BCO2: variants seen among roughly 807,000 people sequenced by gnomAD.
BCO2 encodes beta-carotene oxygenase 2.
Under a neutral mutation model 65.8 loss-of-function variants are expected in BCO2, and 56 were observed. The observed-to-expected ratio is 0.85, with a 90% CI of 0.69 to 1.06. BCO2 has a LOEUF of 1.06. Ranked by LOEUF, BCO2 falls within the 50% of genes least tolerant of loss-of-function variation. The probability of loss-of-function intolerance (pLI) is 0.00; values close to 1 mark genes in which losing one functional copy is unlikely to be tolerated. For missense variants in BCO2, 675 were observed against 698.5 expected (o/e 0.97, Z 0.38); for synonymous variants, 233 against 242.3 (o/e 0.96, Z 0.36).
chr11:112,202,055 T>A lies in BCO2; in HGVS notation c.1059T>A (p.Phe353Leu). The change falls in exon 8 of 12, where the codon TTT becomes TTA. Residue 353 changes from phenylalanine to leucine, a missense_variant. Phe to Leu is a conservative substitution (Grantham distance 22). Coordinates refer to ENST00000357685, the MANE Select transcript of BCO2 (RefSeq NM_031938.7). ...CAGGGAGATACTACAGCAAACCTTT[T>A]GTTACATTTCATCAAATCAATGCCT... Reference protein sequence around the residue: ...LLPGRYYSKPFVTFHQINAFE... With the variant: ...LLPGRYYSKPLVTFHQINAFE... 6.2e-7 allele frequency: 1 copy of A among 1,610,360 alleles called. No individual in the cohort carries two copies. The highest frequency in any genetic ancestry group is 1.1e-5 in the South Asian group (1 of 90,258).
chr11:112,188,055 T>A (rs1867251939), intron 2 of BCO2, among the ~76,000 whole-genome samples: 1 of 152,100 alleles, frequency 6.6e-6, no homozygotes, highest in Non-Finnish European at 1.5e-5. Flanking sequence ...AACATGGATC[T>A]CCCACCCCGC....
At chr11:112,193,326 C>T (rs770390539) in intron 2 of BCO2, 148 bp from the exon 3 acceptor site, 1 of 769,528 alleles carries the variant, frequency 1.3e-6, no homozygotes, top group East Asian at 2.7e-5. Flanking sequence ...TCTCCTCCCA[C>T]AATTTCAAGT....
chr11:112,194,467 T>G (rs1166760775), intron 4 of BCO2, 186 bp from the exon 5 acceptor site: 1 of 527,878 alleles, frequency 1.9e-6, no homozygotes, highest in African/African-American at 2.0e-5. Flanking sequence ...GTGTTTTTGT[T>G]TGTTGTTTTA....
chr11:112,194,639 T>A lies in BCO2; in HGVS notation c.634-14T>A. On this transcript the variant is annotated splice_polypyrimidine_tract_variant and intron_variant, in intron 4 of 11. Transcript: ENST00000357685. ...TCTGCCCATTAAAAATCTCCAGTGGTCTCAAATTTGCAGGTAGATTGGAGC... is the reference window on the plus strand; with the variant it reads ...TCTGCCCATTAAAAATCTCCAGTGGACTCAAATTTGCAGGTAGATTGGAGC... 1.3e-6 allele frequency: 2 copies of A among 1,523,270 alleles called. No homozygotes were observed. Among genetic ancestry groups the A allele is most frequent in the Non-Finnish European group, 1.8e-6 (2 of 1,098,374 alleles). The allele number at this position is 1,523,270 out of a possible 1,614,324, so 94.4% of individuals were successfully genotyped here.
intron 10 of BCO2, chr11:112,215,842 C>T: frequency 5.4e-6 from 1 of 183,938 alleles, no homozygotes; most frequent in South Asian, 1.5e-4. Flanking sequence ...TCTGATGAGG[C>T]CTCAGAAAGC....
At position 112,175,708 on chromosome 11, in the gene BCO2, T is replaced by G; in HGVS notation, c.88+19T>G. On this transcript the variant is annotated intron_variant, in intron 1 of 11. Coordinates refer to ENST00000357685, the MANE Select transcript of BCO2 (RefSeq NM_031938.7). ...CTCCCAGGTAGAGGGTTTGCCCCTTTCTCTTCCTCATCCTCCTCTTCTTGC... is the reference window on the plus strand; with the variant it reads ...CTCCCAGGTAGAGGGTTTGCCCCTTGCTCTTCCTCATCCTCCTCTTCTTGC... The G allele has an allele frequency of 6.3e-7, 1 of 1,593,654 alleles. No individual in the cohort carries two copies. Among genetic ancestry groups the G allele is most frequent in the South Asian group, 1.1e-5 (1 of 90,654 alleles).
At chr11:112,207,715 C>A (rs577483729) in intron 8 of BCO2, among the ~76,000 whole-genome samples, 44 of 152,312 alleles carry the variant, frequency 2.9e-4, no homozygotes, top group African/African-American at 1.0e-3. Flanking sequence ...TCTATTTGCA[C>A]TGAACCAATG....
chr11:112,200,504 A>G (rs1352810037), intron 6 of BCO2, 109 bp from the exon 7 acceptor site: 5 of 905,676 alleles, frequency 5.5e-6, no homozygotes, highest in Non-Finnish European at 8.4e-6. Flanking sequence ...GCATTTGTTT[A>G]GGGCATCAGT....
chr11:112,216,293 G>A lies in BCO2; in HGVS notation c.1589G>A (p.Gly530Asp), dbSNP rs750581577. 1.2e-6 allele frequency: 2 copies of A among 1,614,102 alleles called. No homozygotes were observed. The highest frequency in any genetic ancestry group is 8.5e-7 in the Non-Finnish European group (1 of 1,179,974). The change falls in exon 11 of 12, where the codon GGT becomes GAT. Residue 530 changes from glycine to aspartate, a missense_variant. Transcript: ENST00000357685. ...VPAPGTNEED[G>D]GVILSVVITP... Reference sequence around the variant, plus strand: ...GCACCAGGAACCAATGAAGAAGATGGTGGGGTTATTCTTTCTGTGGTGATC... The same window carrying A: ...GCACCAGGAACCAATGAAGAAGATGATGGGGTTATTCTTTCTGTGGTGATC...
chr11:112,191,604 A>G (rs1440803135), intron 2 of BCO2, among the ~76,000 whole-genome samples: 1 of 152,204 alleles, frequency 6.6e-6, no homozygotes, highest in Non-Finnish European at 1.5e-5. Flanking sequence ...GCTGTTTAAG[A>G]AAGTTGGACC....
intron 8 of BCO2, among the ~76,000 whole-genome samples, chr11:112,206,054 G>C (rs549017511): frequency 7.9e-4 from 120 of 152,306 alleles, no homozygotes; most frequent in Non-Finnish European, 9.6e-4. Context: ...CACACACAAG[G>C]CTGTCACTTC....
intron 1 of BCO2, among the ~76,000 whole-genome samples, chr11:112,178,806 A>C (rs113047286): frequency 0.043 from 6,505 of 152,348 alleles, 199 homozygotes; most frequent in Non-Finnish European, 0.072. Context: ...AGGAATCGCT[A>C]TGAAGTCTTT....
At chr11:112,187,806 G>A (rs560900830) in intron 2 of BCO2, among the ~76,000 whole-genome samples, 29 of 151,536 alleles carry the variant, frequency 1.9e-4, no homozygotes, top group South Asian at 6.3e-4. Flanking sequence ...AGGATTTAGC[G>A]TCATCACTGA....
intron 2 of BCO2, among the ~76,000 whole-genome samples, chr11:112,184,798 T>C (rs1480560003): frequency 6.6e-6 from 1 of 152,146 alleles, no homozygotes; most frequent in African/African-American, 2.4e-5. Flanking sequence ...TCCTTATTTC[T>C]ACCCCAAGTG....
At chr11:112,198,483 T>G (rs1867640653) in intron 5 of BCO2, among the ~76,000 whole-genome samples, 1 of 151,900 alleles carries the variant, frequency 6.6e-6, no homozygotes, top group East Asian at 1.9e-4. Context: ...AATAAATAAA[T>G]AAAGAACTGT....
chr11:112,194,016 A>T, intron 4 of BCO2, 22 bp downstream of exon 4: 2 of 1,190,884 alleles, frequency 1.7e-6, no homozygotes, highest in Non-Finnish European at 2.5e-6. Flanking sequence ...GTAAAAAAAA[A>T]TGAATAAAAT....
rs1036630215 is a variant in BCO2 at position 112,182,416 on chromosome 11, G to A, written c.293+2934G>A. Among the ~76,000 whole-genome samples, 62 of 152,092 alleles carry A rather than the reference G, an allele frequency of 4.1e-4. 3 individuals carry two copies. The highest frequency in any genetic ancestry group is 2.4e-4 in the Non-Finnish European group (16 of 68,020). On this transcript the variant is annotated intron_variant, in intron 2 of 11. Coordinates refer to ENST00000357685, the MANE Select transcript of BCO2 (RefSeq NM_031938.7). Reference sequence around the variant, plus strand: ...CACATGCACACCTATGTTTATTGTGGCACTATTCACAATAGCAAAGTCTTG... The same window carrying A: ...CACATGCACACCTATGTTTATTGTGACACTATTCACAATAGCAAAGTCTTG...
Position 112,199,839 on chromosome 11 carries a change from G to T in BCO2, c.865+12G>T, listed in dbSNP as rs764781849. ...CTACCATAGCTTTGGTGAGTCCAGAGATAAGGCAAATTTCAGTGGGCTCTG... is the reference window on the plus strand; with the variant it reads ...CTACCATAGCTTTGGTGAGTCCAGATATAAGGCAAATTTCAGTGGGCTCTG... On this transcript the variant is annotated intron_variant, in intron 6 of 11. Coordinates refer to ENST00000357685, the MANE Select transcript of BCO2 (RefSeq NM_031938.7). The T allele has an allele frequency of 6.2e-7, 1 of 1,613,272 alleles. No homozygotes were observed. The highest frequency in any genetic ancestry group is 1.1e-5 in the South Asian group (1 of 91,002).
intron 2 of BCO2, among the ~76,000 whole-genome samples, chr11:112,186,870 A>T (rs1392413803): frequency 6.6e-6 from 1 of 152,196 alleles, no homozygotes; most frequent in African/African-American, 2.4e-5. Context: ...ATAAAGTTAC[A>T]TGAATCTGGG....
Sources: gnomAD v4.1 joint callset for allele counts (sites outside exome capture counted in the v4.1 genomes callset) on GRCh38, gnomAD v4.1.1 for gene constraint, MANE v1.5 for transcripts, NCBI Gene and HGNC (gene_info 2026-07-23, HGNC 2026-07-21) for gene names.